Variants in DEPDC5 observed in about 807,000 individuals in gnomAD.
The protein encoded by DEPDC5 is DEP domain containing 5, GATOR1 subcomplex subunit, also known as GATOR1 complex protein DEPDC5.
In DEPDC5, 73 loss-of-function variants were observed where a neutral mutation model predicts 217.3. That is an observed-to-expected ratio of 0.34 (90% CI 0.28 to 0.41). DEPDC5 has a LOEUF of 0.41. DEPDC5 is among the 10% of genes least tolerant of loss of function. DEPDC5 has a pLI of 1.00. For synonymous variants in DEPDC5, 733 were observed against 756.7 expected, an observed-to-expected ratio of 0.97 and a Z score of 0.51; for missense variants, 1,675 against 2,070.1, an observed-to-expected ratio of 0.81 and a Z score of 3.70.
At chr22:31,791,984 G>T in intron 10 of DEPDC5, 49 bp from the exon 11 acceptor site, 6 of 893,992 alleles carry the variant, frequency 6.7e-6, no homozygotes, top group East Asian at 2.7e-5. Flanking sequence ...GCTTCATAGT[G>T]AAGTAAATGA....
chr22:31,839,519 C>A (rs1342023610), intron 27 of DEPDC5, among the ~76,000 whole-genome samples: 1 of 47,388 alleles, frequency 2.1e-5, no homozygotes, highest in Admixed American at 1.7e-4. Context: ...GCTAACAAGA[C>A]CCCCCCTCCC....
chr22:31,814,829 G>C, intron 20 of DEPDC5, 163 bp from the exon 21 acceptor site: 1 of 654,772 alleles, frequency 1.5e-6, no homozygotes, highest in Admixed American at 2.7e-5. Context: ...ATCTCAAGCT[G>C]TTAAGGGTGA....
chr22:31,772,735 C>G (rs1282205113), intron 7 of DEPDC5, among the ~76,000 whole-genome samples: 1 of 151,488 alleles, frequency 6.6e-6, no homozygotes. Context: ...AGATCTCTCT[C>G]ATTTTTTTTT....
At chr22:31,856,555 AT>A (rs1258801749) in intron 31 of DEPDC5, among the ~76,000 whole-genome samples, 1 of 152,244 alleles carries the variant, frequency 6.6e-6, no homozygotes, top group Non-Finnish European at 1.5e-5. Flanking sequence ...AATTAGGAAA[AT>A]AAACATGAAA....
At chr22:31,836,890 C>T in intron 25 of DEPDC5, 82 bp from the exon 26 acceptor site, 1 of 1,204,910 alleles carries the variant, frequency 8.3e-7, no homozygotes, top group South Asian at 1.4e-5. Context: ...CCCACTCTTC[C>T]CTCCCCTTCC....
At position 31,836,963 on chromosome 22, in the gene DEPDC5, G is replaced by A. The variant is rs770492339; in HGVS notation, c.2171-9G>A. 7 of 1,604,600 alleles carry A rather than the reference G, an allele frequency of 4.4e-6. No individual in the cohort carries two copies. The highest frequency in any genetic ancestry group is 4.5e-5 in the East Asian group (2 of 44,152). On this transcript the variant is annotated splice_polypyrimidine_tract_variant and intron_variant, in intron 25 of 42. Transcript: ENST00000651528. ...CACATGTACCTTTTCCCCCTGTTAC[G>A]TGAGGCAGTTCTGACACTGTCTGCT...
At chr22:31,874,939 G>A (rs1382822561) in intron 36 of DEPDC5, among the ~76,000 whole-genome samples, 1 of 152,130 alleles carries the variant, frequency 6.6e-6, no homozygotes. Context: ...ATGTTGCTTG[G>A]CACCTGGTAG....
intron 7 of DEPDC5, among the ~76,000 whole-genome samples, chr22:31,772,736 A>T (rs561377749): frequency 2.0e-5 from 3 of 149,652 alleles, no homozygotes; most frequent in Admixed American, 6.7e-5. Flanking sequence ...GATCTCTCTC[A>T]TTTTTTTTTC....
intron 41 of DEPDC5, among the ~76,000 whole-genome samples, chr22:31,902,271 C>T (rs113978740): frequency 4.6e-4 from 70 of 151,966 alleles, no homozygotes; most frequent in African/African-American, 1.4e-3. Context: ...CTAGTCCAGC[C>T]GACTGTGTTG....
Position 31,845,008 on chromosome 22 carries a change from G to T in DEPDC5, c.2802-10G>T, listed in dbSNP as rs201972890. 1.6e-4 allele frequency: 265 copies of T among 1,613,800 alleles called. No individual in the cohort carries two copies. The highest frequency in any genetic ancestry group is 2.2e-4 in the Non-Finnish European group (256 of 1,179,930). On this transcript the variant is annotated splice_polypyrimidine_tract_variant and intron_variant, in intron 29 of 42. Transcript: ENST00000651528. ...CTCACCACCACCCTGTGTTTTCCTT[G>T]CCCCCTTAGCTTAATTGAGTCCCTG...
intron 30 of DEPDC5, 104 bp downstream of exon 30, chr22:31,845,341 A>G: frequency 7.1e-7 from 1 of 1,400,348 alleles, no homozygotes. Flanking sequence ...TTTACTCCTC[A>G]GCTGCCCAGT....
At chr22:31,817,425 A>G (rs2089254375) in intron 21 of DEPDC5, 3 of 468,908 alleles carry the variant, frequency 6.4e-6, no homozygotes, top group Admixed American at 4.4e-5. Flanking sequence ...GACATCTTTC[A>G]TATACTTGGT....
chr22:31,857,361 A>G lies in DEPDC5; in HGVS notation c.3156-84A>G. 3.5e-6 allele frequency: 4 copies of G among 1,131,908 alleles called. No homozygotes were observed. In the South Asian group the frequency reaches 5.8e-5, roughly 17 times the overall value. The allele number at this position is 1,131,908 out of a possible 1,614,324, so 70.1% of individuals were successfully genotyped here. A position where few individuals can be genotyped will look rare whatever the true frequency, so the allele number is the denominator to read the frequency against. On this transcript the variant is annotated intron_variant, in intron 31 of 42. Transcript: ENST00000651528. ...TGTGTGTTTCAAAGATGACAGCAACAGAGCTGTCTGCATCTTGGCCGACAT... is the reference window on the plus strand; with the variant it reads ...TGTGTGTTTCAAAGATGACAGCAACGGAGCTGTCTGCATCTTGGCCGACAT...
Position 31,879,729 on chromosome 22 carries a change from G to A in DEPDC5, c.4010G>A (p.Arg1337Gln), listed in dbSNP as rs1390184207. The change falls in exon 38 of 43, where the codon CGG (arginine) becomes CAG (glutamine). Residue 1337 changes from arginine to glutamine, a missense_variant. Arg to Gln is a conservative substitution (Grantham distance 43, BLOSUM62 1). Transcript: ENST00000651528. ...TCCTTTAGCCGAAGTTTTGGAGGAC[G>A]GAGCCAGGCGGCAGCACTTTTAGGT... is the stretch of plus-strand genomic sequence containing the variant. ...HSSFSRSFGG[R>Q]SQAAALLAAT... is the part of the protein sequence containing the mutation. 1.9e-6 allele frequency: 3 copies of A among 1,613,916 alleles called. No individual in the cohort carries two copies. Among genetic ancestry groups the A allele is most frequent in the Non-Finnish European group, 2.5e-6 (3 of 1,179,988 alleles).
chr22:31,834,228 T>C, intron 25 of DEPDC5: 1 of 516,410 alleles, frequency 1.9e-6, no homozygotes, highest in South Asian at 2.3e-5. Flanking sequence ...GCAGATTCCC[T>C]ATAAGGCCCC....
intron 18 of DEPDC5, among the ~76,000 whole-genome samples, chr22:31,809,235 G>T (rs963955265): frequency 6.6e-6 from 1 of 152,158 alleles, no homozygotes; most frequent in African/African-American, 2.4e-5. Context: ...CCGTAGTGAA[G>T]GGGGAGGCAT....
At chr22:31,849,758 G>A (rs921497371) in intron 31 of DEPDC5, among the ~76,000 whole-genome samples, 2 of 151,784 alleles carry the variant, frequency 1.3e-5, no homozygotes, top group Non-Finnish European at 2.9e-5. Context: ...TCCAGCCTGG[G>A]TGACAGAGCA....
At chr22:31,783,762 C>T (rs2084699201) in intron 8 of DEPDC5, 145 bp from the exon 9 acceptor site, 3 of 567,194 alleles carry the variant, frequency 5.3e-6, no homozygotes, top group Admixed American at 3.4e-5. Flanking sequence ...ATAAAATTTA[C>T]CATCTTAACC....
At chr22:31,766,561 A>T in intron 5 of DEPDC5, 24 bp from the exon 6 acceptor site, 1 of 1,606,754 alleles carries the variant, frequency 6.2e-7, no homozygotes, top group South Asian at 1.1e-5. Context: ...AATGTCAGAG[A>T]TATCATTTGA....
Sources: gnomAD v4.1 joint callset for allele counts (sites outside exome capture counted in the v4.1 genomes callset) on GRCh38, gnomAD v4.1.1 for gene constraint, MANE v1.5 for transcripts, NCBI Gene and HGNC (gene_info 2026-07-23, HGNC 2026-07-21) for gene names.